ACAP2: variants seen among roughly 807,000 people sequenced by gnomAD.
ACAP2 encodes ArfGAP with coiled-coil, ankyrin repeat and PH domains 2.
A neutral mutation model predicts 115.8 loss-of-function variants in ACAP2; 39 were observed. The observed-to-expected ratio is 0.34, with a 90% confidence interval of 0.26 to 0.44. The LOEUF (loss-of-function observed/expected upper bound fraction) is 0.44, where lower values mean the gene tolerates loss of function less well. Ranked by LOEUF, ACAP2 falls within the 20% of genes least tolerant of loss-of-function variation. The probability of loss-of-function intolerance (pLI) is 1.00; values close to 1 mark genes in which losing one functional copy is unlikely to be tolerated. For missense variants in ACAP2, 662 were observed against 927.6 expected (o/e 0.71, Z 3.72); for synonymous variants, 289 against 315.8 (o/e 0.92, Z 0.90).
At chr3:195,399,639 C>G (rs1038184843) in intron 1 of ACAP2, among the ~76,000 whole-genome samples, 8 of 151,834 alleles carry the variant, frequency 5.3e-5, no homozygotes, top group Non-Finnish European at 1.0e-4. Context: ...AATCTATAAC[C>G]CTTTTCCCCT....
chr3:195,384,300 A>G lies in ACAP2; in HGVS notation c.112-2278T>C, dbSNP rs895227082. ...ATTCAACCATTTTTTAAAATGAGAC[A>G]GCTCTATAACAACAAATAACATCCA... On this transcript the variant is annotated intron_variant, in intron 2 of 22. Coordinates refer to ENST00000326793, the MANE Select transcript of ACAP2 (RefSeq NM_012287.6). Among the ~76,000 whole-genome samples, 7 of 152,228 alleles carry G rather than the reference A, an allele frequency of 4.6e-5. No homozygotes were observed. In the South Asian group the frequency reaches 6.2e-4, roughly 14 times the overall value.
chr3:195,420,380 ACT>A (rs1261858138), intron 1 of ACAP2, among the ~76,000 whole-genome samples: 4 of 151,708 alleles, frequency 2.6e-5, no homozygotes, highest in Admixed American at 2.6e-4. Context: ...ACGGAGTCTC[ACT>A]CTGTCTCCCA....
chr3:195,384,460 C>T (rs1315686335), intron 2 of ACAP2, among the ~76,000 whole-genome samples: 2 of 151,898 alleles, frequency 1.3e-5, no homozygotes, highest in Non-Finnish European at 2.9e-5. Flanking sequence ...GGCATGGTGG[C>T]TCACGCCTGT....
chr3:195,357,261 AG>A (rs1732035042), intron 4 of ACAP2, among the ~76,000 whole-genome samples: 1 of 152,052 alleles, frequency 6.6e-6, no homozygotes, highest in Non-Finnish European at 1.5e-5. Flanking sequence ...ATGGGTGGGA[AG>A]GACTGTGTCT....
intron 15 of ACAP2, among the ~76,000 whole-genome samples, chr3:195,299,964 C>CA (rs11326403): frequency 0.036 from 5,502 of 150,770 alleles, 326 homozygotes; most frequent in African/African-American, 0.12. Flanking sequence ...GAGTGAATTT[C>CA]AAAAAAAATT....
intron 1 of ACAP2, among the ~76,000 whole-genome samples, chr3:195,433,896 T>C (rs931805618): frequency 2.0e-5 from 3 of 152,138 alleles, no homozygotes; most frequent in African/African-American, 7.2e-5. Flanking sequence ...GGAATACTGG[T>C]CTGTAGGGTT....
chr3:195,355,048 G>C (rs1365118487), intron 4 of ACAP2, among the ~76,000 whole-genome samples: 1 of 152,130 alleles, frequency 6.6e-6, no homozygotes, highest in Non-Finnish European at 1.5e-5. Flanking sequence ...ATTTTTACCA[G>C]AGACGGGGTT....
intron 22 of ACAP2, chr3:195,282,048 C>T (rs985575981): frequency 2.0e-5 from 3 of 152,128 alleles, no homozygotes; most frequent in Non-Finnish European, 2.9e-5. Flanking sequence ...GTCTAGCAGA[C>T]GTTAATACCA....
At chr3:195,359,017 G>C (rs1210156645) in intron 4 of ACAP2, among the ~76,000 whole-genome samples, 2 of 152,136 alleles carry the variant, frequency 1.3e-5, no homozygotes, top group Non-Finnish European at 2.9e-5. Flanking sequence ...CCAGGAGAGA[G>C]AGTAGCATGA....
At chr3:195,371,191 T>C (rs770542904) in intron 4 of ACAP2, among the ~76,000 whole-genome samples, 5 of 152,188 alleles carry the variant, frequency 3.3e-5, no homozygotes, top group Non-Finnish European at 7.4e-5. Context: ...TATCTATCCA[T>C]GAGGATTTAA....
At chr3:195,429,218 T>A (rs766626009) in intron 1 of ACAP2, among the ~76,000 whole-genome samples, 4 of 151,764 alleles carry the variant, frequency 2.6e-5, no homozygotes, top group Non-Finnish European at 5.9e-5. Context: ...TAAAACCCCA[T>A]CTCCGCTAAA....
At chr3:195,352,997 C>T (rs376635013) in intron 4 of ACAP2, among the ~76,000 whole-genome samples, 1 of 151,494 alleles carries the variant, frequency 6.6e-6, no homozygotes, top group African/African-American at 2.4e-5. Flanking sequence ...ACAAGAATCG[C>T]TTCAACCTGG....
At chr3:195,286,786 C>T (rs1216922529) in intron 21 of ACAP2, among the ~76,000 whole-genome samples, 1 of 152,138 alleles carries the variant, frequency 6.6e-6, no homozygotes, top group Non-Finnish European at 1.5e-5. Context: ...CAAAGTAAAA[C>T]AAGAAAATTT....
chr3:195,373,464 C>T (rs1227760582), intron 4 of ACAP2, among the ~76,000 whole-genome samples: 1 of 152,070 alleles, frequency 6.6e-6, no homozygotes, highest in Non-Finnish European at 1.5e-5. Context: ...TTCCAGAGAA[C>T]AAATTTTGCT....
intron 1 of ACAP2, among the ~76,000 whole-genome samples, chr3:195,404,428 C>G (rs1712566621): frequency 6.6e-6 from 1 of 151,536 alleles, no homozygotes; most frequent in Non-Finnish European, 1.5e-5. Flanking sequence ...TTTAAATATC[C>G]CAGAAATATA....
intron 8 of ACAP2, 125 bp downstream of exon 8, chr3:195,332,903 C>T: frequency 1.7e-6 from 1 of 597,780 alleles, no homozygotes. Context: ...TCTAGATTAC[C>T]CAGTCTCAGG....
Position 195,332,204 on chromosome 3 carries a change from A to G in ACAP2, c.669+824T>C, listed in dbSNP as rs1437326246. Among the ~76,000 whole-genome samples, 4 of 152,172 alleles carry G rather than the reference A, an allele frequency of 2.6e-5. No individual in the cohort carries two copies. The East Asian group carries it at 7.7e-4, about 29-fold the overall frequency. On this transcript the variant is annotated intron_variant, in intron 8 of 22. Coordinates refer to ENST00000326793, the MANE Select transcript of ACAP2 (RefSeq NM_012287.6). ...CACATGTGACTGCATGAAATGAAAAAGTTCCCAAGAGCTCTATAATTTTAA... is the reference window on the plus strand; with the variant it reads ...CACATGTGACTGCATGAAATGAAAAGGTTCCCAAGAGCTCTATAATTTTAA...
At chr3:195,389,813 C>T (rs556991251) in intron 2 of ACAP2, among the ~76,000 whole-genome samples, 1 of 152,212 alleles carries the variant, frequency 6.6e-6, no homozygotes, top group Non-Finnish European at 1.5e-5. Flanking sequence ...AGCCAGCTAG[C>T]GTTCCTCAGA....
In ACAP2 at chr3:195,279,158, T is replaced by C; in HGVS notation, c.*170A>G. 1 of 502,162 alleles carries C rather than the reference T, an allele frequency of 2.0e-6. No homozygotes were observed. The highest frequency in any genetic ancestry group is 3.5e-6 in the Non-Finnish European group (1 of 289,182). The allele number at this position is 502,162 out of a possible 1,614,324, so 31.1% of individuals were successfully genotyped here. On this transcript the variant is annotated 3_prime_UTR_variant, in exon 23 of 23. Transcript: ENST00000326793. Reference sequence around the variant, plus strand: ...GTCCTAAACTAGGTTCCTCTCCTACTACTAGATAACTATGTTTTAATTTAT... The same window carrying C: ...GTCCTAAACTAGGTTCCTCTCCTACCACTAGATAACTATGTTTTAATTTAT...
Sources: allele counts gnomAD v4.1 joint callset (sites outside exome capture counted in the v4.1 genomes callset), GRCh38; gene constraint gnomAD v4.1.1; transcripts MANE v1.5; gene names NCBI Gene and HGNC (gene_info 2026-07-23, HGNC 2026-07-21).